Variants in TMED5 observed in about 807,000 individuals in gnomAD.
TMED5 encodes transmembrane emp24 domain-containing protein 5.
TMED5 carries 27 observed loss-of-function variants against 23.0 expected under a neutral mutation model. That is an observed-to-expected ratio of 1.17 (90% CI 0.86 to 1.62). The LOEUF is 1.62. Ranked by LOEUF, TMED5 falls within the 40% of genes most tolerant of loss-of-function variation. The pLI, the probability that TMED5 is intolerant of heterozygous loss-of-function variation, is 0.00. For missense variants in TMED5, 248 were observed against 273.7 expected (o/e 0.91, Z 0.66); for synonymous variants, 97 against 100.8 (o/e 0.96, Z 0.23).
At chr1:93,170,983 TGCCTCAG>T (rs781049438) in intron 1 of TMED5, among the ~76,000 whole-genome samples, 74 of 152,166 alleles carry the variant, frequency 4.9e-4, no homozygotes, top group South Asian at 2.1e-4. Context: ...TAAAGCAGGC[TGCCTCAG>T]CCAGCAGTGG....
chr1:93,158,173 G>T (rs529469161), intron 2 of TMED5, among the ~76,000 whole-genome samples: 22 of 151,196 alleles, frequency 1.5e-4, no homozygotes, highest in African/African-American at 5.1e-4. Flanking sequence ...GTGATTAATA[G>T]TGAGTTGGAC....
intron 1 of TMED5, among the ~76,000 whole-genome samples, chr1:93,169,594 G>GGA (rs1553159679): frequency 4.1e-5 from 6 of 146,150 alleles, no homozygotes; most frequent in Non-Finnish European, 7.5e-5. Flanking sequence ...AATCAACGCA[G>GGA]AAAAAAAAAA....
At chr1:93,169,285 T>A (rs1438200526) in intron 1 of TMED5, among the ~76,000 whole-genome samples, 1 of 152,212 alleles carries the variant, frequency 6.6e-6, no homozygotes, top group Non-Finnish European at 1.5e-5. Flanking sequence ...AATTCCCAAC[T>A]ATTTGGAGAT....
chr1:93,174,367 T>A (rs145037378), intron 1 of TMED5, among the ~76,000 whole-genome samples: 2 of 152,260 alleles, frequency 1.3e-5, no homozygotes, highest in African/African-American at 4.8e-5. Flanking sequence ...AGGAGACAGG[T>A]GTGGTGGCAT....
chr1:93,155,285 G>A (rs557548752), intron 3 of TMED5, among the ~76,000 whole-genome samples: 153 of 152,268 alleles, frequency 1.0e-3, no homozygotes, highest in African/African-American at 3.6e-3. Context: ...ACAATTTTAA[G>A]TTAGATGGCT....
chr1:93,152,784 T>G lies in TMED5; in HGVS notation c.*1886A>C, dbSNP rs1647924632. The G allele has an allele frequency of 6.6e-6, 1 of 152,558 alleles. No individual in the cohort carries two copies. The highest frequency in any genetic ancestry group is 2.4e-5 in the African/African-American group (1 of 41,422). The allele number at this position is 152,558 out of a possible 1,614,324, so 9.5% of individuals were successfully genotyped here. A position where few individuals can be genotyped will look rare whatever the true frequency, so the allele number is the denominator to read the frequency against. ...ATGGTACTGTAAATTTGCTTCTCATTGCAAATTTAACAGCGCAAAAGGGAG... is the reference window on the plus strand; with the variant it reads ...ATGGTACTGTAAATTTGCTTCTCATGGCAAATTTAACAGCGCAAAAGGGAG... On this transcript the variant is annotated 3_prime_UTR_variant, in exon 4 of 4. Transcript: ENST00000370282.
chr1:93,154,598 T>C lies in TMED5; in HGVS notation c.*72A>G, dbSNP rs1647987577. ...AAAATATTTTGGAGAAGACCATTAA[T>C]GGTCTTGACTGTAACAGTTTATTGC... On this transcript the variant is annotated 3_prime_UTR_variant, in exon 4 of 4. Transcript: ENST00000370282. 1 of 1,017,560 alleles carries C rather than the reference T, an allele frequency of 9.8e-7. No individual in the cohort carries two copies. Among genetic ancestry groups the C allele is most frequent in the African/African-American group, 1.6e-5 (1 of 62,028 alleles). The allele number at this position is 1,017,560 out of a possible 1,614,324, so 63.0% of individuals were successfully genotyped here.
intron 1 of TMED5, among the ~76,000 whole-genome samples, chr1:93,165,912 C>T (rs1006631764): frequency 5.9e-5 from 9 of 152,192 alleles, no homozygotes; most frequent in African/African-American, 2.2e-4. Context: ...CCCCCAGCCT[C>T]CCACTACTCT....
rs1647911546 is a variant in TMED5 at position 93,152,415 on chromosome 1, G to T, written c.*2255C>A. The T allele has an allele frequency of 6.6e-6, 1 of 152,110 alleles. No homozygotes were observed. Among genetic ancestry groups the T allele is most frequent in the African/African-American group, 2.4e-5 (1 of 41,406 alleles). 9.4% of individuals were successfully genotyped at this position (152,110 alleles called of 1,614,324 possible). A position where few individuals can be genotyped will look rare whatever the true frequency, so the allele number is the denominator to read the frequency against. ...GAAGCAGATAAACAGTATGTCTTTA[G>T]AAATATTAAAGATTTTTACTCTGTT... On this transcript the variant is annotated 3_prime_UTR_variant, in exon 4 of 4. Transcript: ENST00000370282.
rs7532195 is a variant in TMED5, at chr1:93,151,846, T to A, written c.*2824A>T. The A allele has an allele frequency of 6.6e-6, 1 of 151,892 alleles. No homozygotes were observed. Among genetic ancestry groups the A allele is most frequent in the Non-Finnish European group, 1.5e-5 (1 of 67,980 alleles). 9.4% of individuals were successfully genotyped at this position (151,892 alleles called of 1,614,324 possible). ...GACAGCATTTACAAATGACTGGCAG[T>A]TAATTTTCTTTGATAATTTTTATTA... On this transcript the variant is annotated 3_prime_UTR_variant, in exon 4 of 4. Transcript: ENST00000370282.
chr1:93,156,732 C>G (rs993209054), intron 2 of TMED5, among the ~76,000 whole-genome samples: 1 of 148,560 alleles, frequency 6.7e-6, no homozygotes, highest in South Asian at 2.1e-4. Flanking sequence ...TGCTTGAGCC[C>G]GGAAGGTTGA....
At chr1:93,156,243 C>A in intron 3 of TMED5, 57 bp downstream of exon 3, 1 of 1,462,260 alleles carries the variant, frequency 6.8e-7, no homozygotes, top group Non-Finnish European at 9.5e-7. Context: ...TAACTTATTA[C>A]CATAGTAAGG....
intron 1 of TMED5, among the ~76,000 whole-genome samples, chr1:93,167,948 G>T (rs1648566166): frequency 6.6e-6 from 1 of 151,920 alleles, no homozygotes; most frequent in Non-Finnish European, 1.5e-5. Context: ...GTGTTTTGAG[G>T]GTTTTTATTA....
intron 3 of TMED5, chr1:93,155,994 T>A: frequency 9.4e-7 from 1 of 1,064,064 alleles, no homozygotes; most frequent in Non-Finnish European, 1.3e-6. Context: ...AATCTATTTA[T>A]AATTTAAAAA....
intron 1 of TMED5, among the ~76,000 whole-genome samples, chr1:93,163,684 C>G (rs1034087626): frequency 7.9e-5 from 12 of 151,318 alleles, no homozygotes; most frequent in African/African-American, 2.9e-4. Flanking sequence ...ACTAAAAATG[C>G]CACAATCTGG....
At position 93,152,668 on chromosome 1, in the gene TMED5, C is replaced by T. The variant is rs1037524680; in HGVS notation, c.*2002G>A. 6.6e-6 allele frequency: 1 copy of T among 152,580 alleles called. No homozygotes were observed. The highest frequency in any genetic ancestry group is 2.1e-4 in the South Asian group (1 of 4,822). 9.5% of individuals were successfully genotyped at this position (152,580 alleles called of 1,614,324 possible). ...AGGTAAGGAGTCAGAGAGTACAGTA[C>T]AGTAACAGCCATACAGGAGAGGTAG... is the stretch of plus-strand genomic sequence containing the variant. On this transcript the variant is annotated 3_prime_UTR_variant, in exon 4 of 4. Transcript: ENST00000370282.
At chr1:93,166,163 G>C (rs113998597) in intron 1 of TMED5, among the ~76,000 whole-genome samples, 4 of 152,192 alleles carry the variant, frequency 2.6e-5, no homozygotes, top group African/African-American at 7.2e-5. Context: ...CCATTCATCT[G>C]TTGATGAACA....
intron 1 of TMED5, 49 bp from the exon 2 acceptor site, chr1:93,160,275 T>A: frequency 9.0e-7 from 1 of 1,110,746 alleles, no homozygotes; most frequent in Non-Finnish European, 1.3e-6. Context: ...ATTCTGGAAA[T>A]AAAAAATTAT....
chr1:93,176,972 C>T (rs1401036756), intron 1 of TMED5, among the ~76,000 whole-genome samples: 1 of 152,102 alleles, frequency 6.6e-6, no homozygotes, highest in Non-Finnish European at 1.5e-5. Flanking sequence ...TTTCAAGAAC[C>T]TCTATCAATA....
Sources: gnomAD v4.1 joint callset for allele counts (sites outside exome capture counted in the v4.1 genomes callset) on GRCh38, gnomAD v4.1.1 for gene constraint, MANE v1.5 for transcripts, NCBI Gene and HGNC (gene_info 2026-07-23, HGNC 2026-07-21) for gene names.